The following GAB1 variants were observed in gnomAD, a reference collection of about 807,000 sequenced individuals.
The protein encoded by GAB1 is GRB2 associated binding protein 1.
Under a neutral mutation model 66.5 loss-of-function variants are expected in GAB1, and 19 were observed. That is an observed-to-expected ratio of 0.29 (90% CI 0.20 to 0.42). GAB1 has a LOEUF of 0.42. GAB1 is among the 10% of genes least tolerant of loss of function. The pLI is 1.00. For synonymous variants in GAB1, 294 were observed against 301.4 expected, an observed-to-expected ratio of 0.98 and a Z score of 0.25; for missense variants, 732 against 858.5, an observed-to-expected ratio of 0.85 and a Z score of 1.84.
chr4:143,348,885 C>T (rs986285559), intron 1 of GAB1, among the ~76,000 whole-genome samples: 2 of 152,174 alleles, frequency 1.3e-5, no homozygotes, highest in African/African-American at 2.4e-5. Context: ...TTTGCACATG[C>T]TCTCCTCTCC....
chr4:143,434,163 A>G lies in GAB1; in HGVS notation c.593+447A>G, dbSNP rs753838451. The G allele has an allele frequency of 1.9e-5, 24 of 1,282,708 alleles. 2 individuals are homozygous for G. The South Asian group carries it at 2.9e-4, about 15-fold the overall frequency. The allele number at this position is 1,282,708 out of a possible 1,614,324, so 79.5% of individuals were successfully genotyped here. ...AAGATTTTGAAAGCAAAACGATTCC[A>G]TTGCAGTGAGTGTGTTGTGGTGGTT... On this transcript the variant is annotated intron_variant, in intron 3 of 9. Coordinates refer to ENST00000262994, the MANE Select transcript of GAB1 (RefSeq NM_002039.4).
At chr4:143,384,402 T>A (rs1325231036) in intron 1 of GAB1, among the ~76,000 whole-genome samples, 1 of 152,204 alleles carries the variant, frequency 6.6e-6, no homozygotes. Flanking sequence ...AGGTTAAAGT[T>A]TTTTGCAACC....
rs28925898 is a variant in GAB1, at chr4:143,433,733, C to T, written c.593+17C>T. On this transcript the variant is annotated intron_variant, in intron 3 of 9. Transcript: ENST00000262994. Reference sequence around the variant, plus strand: ...ACCCACCAGGTAAATTATATATGCCCATGTGAGAGAGAGACAGAGGCGTGT... The same window carrying T: ...ACCCACCAGGTAAATTATATATGCCTATGTGAGAGAGAGACAGAGGCGTGT... The T allele has an allele frequency of 2.2e-4, 348 of 1,568,674 alleles. No homozygotes were observed. The African/African-American group carries it at 4.3e-3, about 19-fold the overall frequency.
intron 1 of GAB1, chr4:143,396,120 A>G (rs1027707782): frequency 2.6e-6 from 1 of 389,058 alleles, no homozygotes; most frequent in Non-Finnish European, 5.2e-6. Context: ...AGGAGAATCC[A>G]CTAAAACTTG....
At chr4:143,433,791 A>C in intron 3 of GAB1, 75 bp downstream of exon 3, 3 of 1,208,382 alleles carry the variant, frequency 2.5e-6, no homozygotes, top group Non-Finnish European at 3.6e-6. Flanking sequence ...TCTTACCTTT[A>C]AACTTTTTAA....
chr4:143,443,557 T>C (rs1734350348), intron 6 of GAB1, among the ~76,000 whole-genome samples: 1 of 152,228 alleles, frequency 6.6e-6, no homozygotes, highest in Non-Finnish European at 1.5e-5. Flanking sequence ...TTTTTCTCAG[T>C]ATTCATAGCA....
intron 1 of GAB1, chr4:143,396,078 G>A (rs915195675): frequency 1.1e-5 from 5 of 438,068 alleles, no homozygotes; most frequent in Non-Finnish European, 2.3e-5. Flanking sequence ...GAAAGTTGAA[G>A]ATCTGATAAA....
At chr4:143,446,149 T>C (rs2149768964) in intron 6 of GAB1, among the ~76,000 whole-genome samples, 1 of 152,082 alleles carries the variant, frequency 6.6e-6, no homozygotes, top group East Asian at 1.9e-4. Flanking sequence ...CTGCATAGTA[T>C]TCCATGGTGT....
chr4:143,447,053 TCCTTTCCCCATTTCTTG>T, intron 6 of GAB1, among the ~76,000 whole-genome samples: 1 of 152,176 alleles, frequency 6.6e-6, no homozygotes, highest in Admixed American at 6.5e-5. Context: ...AAATGGGGAA[TCCTTTCCCCATTTCTTG>T]TTTTTCTCAG....
In GAB1 at chr4:143,469,841, G is replaced by A. The variant is rs1166815188; in HGVS notation, c.*652G>A. ...TTAATTACAGTGTTTTTGGTTCATT[G>A]AGTGAAGATTCTGCCGGGTGGGATC... On this transcript the variant is annotated 3_prime_UTR_variant, in exon 10 of 10. Transcript: ENST00000262994. The A allele has an allele frequency of 1.3e-5, 2 of 152,660 alleles. No homozygotes were observed. The highest frequency in any genetic ancestry group is 2.4e-5 in the African/African-American group (1 of 41,446). 9.5% of individuals were successfully genotyped at this position (152,660 alleles called of 1,614,324 possible).
At chr4:143,378,558 A>G (rs959432415) in intron 1 of GAB1, among the ~76,000 whole-genome samples, 4 of 151,222 alleles carry the variant, frequency 2.6e-5, no homozygotes, top group Admixed American at 2.6e-4. Flanking sequence ...CAATAAATGC[A>G]TGTTATTTTG....
At chr4:143,356,165 G>A (rs1375018087) in intron 1 of GAB1, among the ~76,000 whole-genome samples, 1 of 152,082 alleles carries the variant, frequency 6.6e-6, no homozygotes, top group African/African-American at 2.4e-5. Flanking sequence ...GAGAATTTGT[G>A]CAAATCAAAG....
intron 1 of GAB1, among the ~76,000 whole-genome samples, chr4:143,347,931 T>G (rs1324368223): frequency 6.6e-6 from 1 of 152,230 alleles, no homozygotes; most frequent in Non-Finnish European, 1.5e-5. Flanking sequence ...TCACCTGCTG[T>G]TCATTTCATA....
Position 143,388,465 on chromosome 4 carries a change from A to G in GAB1, c.73-27012A>G, listed in dbSNP as rs1731020058. 2.0e-5 allele frequency among the ~76,000 whole-genome samples: 3 copies of G among 152,190 alleles called. No homozygotes were observed. In the South Asian group the frequency reaches 6.2e-4, roughly 32 times the overall value. ...AGTCTCGCTCTGTCGCCCAGGCTGG[A>G]GAGCAGTAGAGCGATCTCGGCTCAC... is the stretch of plus-strand genomic sequence containing the variant. On this transcript the variant is annotated intron_variant, in intron 1 of 9. Coordinates refer to ENST00000262994, the MANE Select transcript of GAB1 (RefSeq NM_002039.4).
At chr4:143,430,802 T>A (rs1287555776) in intron 2 of GAB1, among the ~76,000 whole-genome samples, 3 of 152,224 alleles carry the variant, frequency 2.0e-5, no homozygotes, top group Admixed American at 2.0e-4. Flanking sequence ...TGAATTTAGT[T>A]AATATGTTCA....
At chr4:143,423,401 A>T (rs575342720) in intron 2 of GAB1, among the ~76,000 whole-genome samples, 1 of 152,190 alleles carries the variant, frequency 6.6e-6, no homozygotes, top group African/African-American at 2.4e-5. Context: ...GCCTCTTAGA[A>T]GTGTGTAAGT....
At position 143,466,237 on chromosome 4, in the gene GAB1, G is replaced by A; in HGVS notation, c.1926+12G>A. On this transcript the variant is annotated intron_variant, in intron 9 of 9. Transcript: ENST00000262994. ...CACCACCACGTAAGGTGAGTGACAT[G>A]TGACATGTCTCTTCTTTGTATACAG... 6.2e-7 allele frequency: 1 copy of A among 1,612,504 alleles called. No individual in the cohort carries two copies. Among genetic ancestry groups the A allele is most frequent in the Non-Finnish European group, 8.5e-7 (1 of 1,178,962 alleles).
chr4:143,468,647 C>T (rs935403459), intron 9 of GAB1, among the ~76,000 whole-genome samples: 3 of 151,612 alleles, frequency 2.0e-5, no homozygotes, highest in Non-Finnish European at 4.4e-5. Flanking sequence ...TATTCATGGC[C>T]GGGCATGGTG....
chr4:143,428,567 A>T (rs1733485248), intron 2 of GAB1, among the ~76,000 whole-genome samples: 1 of 152,132 alleles, frequency 6.6e-6, no homozygotes. Context: ...TAGAACTAGA[A>T]TATTGATCCA....
Sources: allele counts gnomAD v4.1 joint callset (sites outside exome capture counted in the v4.1 genomes callset), GRCh38; gene constraint gnomAD v4.1.1; transcripts MANE v1.5; gene names NCBI Gene and HGNC (gene_info 2026-07-23, HGNC 2026-07-21).